MAP3K7CL: variants seen among roughly 807,000 people sequenced by gnomAD.
MAP3K7CL encodes the protein MAP3K7 C-terminal-like protein.
MAP3K7CL carries 16 observed loss-of-function variants against 18.6 expected under a neutral mutation model. That is an observed-to-expected ratio of 0.86 (90% CI 0.58 to 1.31). MAP3K7CL has a LOEUF of 1.31. MAP3K7CL is among the 50% of genes most tolerant of loss of function. The pLI is 0.00. For synonymous variants in MAP3K7CL, 65 were observed against 66.8 expected, an observed-to-expected ratio of 0.97 and a Z score of 0.13; for missense variants, 163 against 174.4, an observed-to-expected ratio of 0.93 and a Z score of 0.37.
exon 4 of MAP3K7CL, chr21:29,092,581 G>T: frequency 1.9e-6 from 3 of 1,613,740 alleles, no homozygotes; most frequent in Non-Finnish European, 2.5e-6. Flanking sequence ...CTCCCCTCTG[G>T]GTGAGTATTC....
At chr21:29,122,531 G>C (rs1040708307) in intron 4 of MAP3K7CL, among the ~76,000 whole-genome samples, 3 of 152,230 alleles carry the variant, frequency 2.0e-5, no homozygotes, top group Non-Finnish European at 4.4e-5. Context: ...AGCTGGAAAG[G>C]GGATGGAGCG....
intron 3 of MAP3K7CL, among the ~76,000 whole-genome samples, chr21:29,157,135 G>A (rs1251306512): frequency 6.6e-6 from 1 of 152,084 alleles, no homozygotes; most frequent in South Asian, 2.1e-4. Flanking sequence ...GGGTAAAAAC[G>A]CATATGGTAA....
chr21:29,093,179 C>G (rs866307361), intron 4 of MAP3K7CL, among the ~76,000 whole-genome samples: 3 of 152,256 alleles, frequency 2.0e-5, no homozygotes, highest in Non-Finnish European at 2.9e-5. Context: ...GCTGGGATTA[C>G]AGGCGTAAGC....
Position 29,174,772 on chromosome 21 carries a change from G to C in MAP3K7CL, c.309G>C (p.Leu103=). The stretch of plus-strand genomic sequence containing the variant: ...AGGAGAAGGTGGATGCTGCTGAGCT[G>C]GTTCGGGAATTCGAGGCTCTGACGG... ...AEKEKVDAAE[L]VREFEALTEE... Residue 103 remains leucine (L), a synonymous_variant, in exon 5 of 5, where the codon CTG becomes CTC. Transcript: ENST00000399928. 6.2e-7 allele frequency: 1 copy of C among 1,614,188 alleles called. No individual in the cohort carries two copies. Among genetic ancestry groups the C allele is most frequent in the Non-Finnish European group, 8.5e-7 (1 of 1,180,020 alleles).
chr21:29,112,078 C>A (rs1178170008), intron 4 of MAP3K7CL, among the ~76,000 whole-genome samples: 1 of 152,156 alleles, frequency 6.6e-6, no homozygotes, highest in Admixed American at 6.5e-5. Context: ...GGGAGGATCA[C>A]CTGACGTCAG....
intron 4 of MAP3K7CL, among the ~76,000 whole-genome samples, chr21:29,166,803 C>T (rs894297788): frequency 2.6e-5 from 4 of 152,146 alleles, no homozygotes; most frequent in Non-Finnish European, 5.9e-5. Flanking sequence ...CTTTCATAGG[C>T]TAATGGACAT....
chr21:29,121,277 C>G (rs1462882982), intron 4 of MAP3K7CL, among the ~76,000 whole-genome samples: 1 of 151,830 alleles, frequency 6.6e-6, no homozygotes, highest in Non-Finnish European at 1.5e-5. Context: ...ATGTAGGCAG[C>G]TGGTGGCCAA....
chr21:29,096,576 A>T (rs567788991), intron 4 of MAP3K7CL, among the ~76,000 whole-genome samples: 1 of 152,222 alleles, frequency 6.6e-6, no homozygotes, highest in Non-Finnish European at 1.5e-5. Flanking sequence ...ATGAAAGAGC[A>T]CAGTGACCAG....
At chr21:29,174,427 CA>C (rs906874084) in intron 4 of MAP3K7CL, among the ~76,000 whole-genome samples, 22 of 152,270 alleles carry the variant, frequency 1.4e-4, no homozygotes, top group Admixed American at 3.9e-4. Flanking sequence ...ATTATTTTTA[CA>C]ATTTTCTGTA....
At chr21:29,099,518 A>G (rs527440364) in intron 4 of MAP3K7CL, among the ~76,000 whole-genome samples, 50 of 152,146 alleles carry the variant, frequency 3.3e-4, no homozygotes, top group African/African-American at 6.8e-4. Context: ...CTCAATATAT[A>G]TAAGTACAGC....
intron 4 of MAP3K7CL, among the ~76,000 whole-genome samples, chr21:29,124,773 C>G (rs2086655738): frequency 1.3e-5 from 2 of 152,200 alleles, no homozygotes; most frequent in Admixed American, 1.3e-4. Context: ...AGTGTCTGTA[C>G]TTTTACTGGA....
chr21:29,157,867 A>G (rs775300194), intron 3 of MAP3K7CL, among the ~76,000 whole-genome samples: 19 of 152,372 alleles, frequency 1.2e-4, no homozygotes, highest in Non-Finnish European at 2.5e-4. Flanking sequence ...TTTAAATTAC[A>G]GCAGCAAAAG....
At position 29,145,882 on chromosome 21, in the gene MAP3K7CL, CAAG is replaced by C. The variant is rs1400113047; in HGVS notation, c.71-3306_71-3304del. 2.7e-5 allele frequency among the ~76,000 whole-genome samples: 4 copies of C among 145,956 alleles called. No individual in the cohort carries two copies. The East Asian group carries it at 6.3e-4, about 23-fold the overall frequency. The stretch of plus-strand genomic sequence containing the variant: ...AATCAATTAGACTTTTATTTCAACT[CAAG>C]GAGTCCAATTTGAAGCTACTTTATT... On this transcript the variant is annotated intron_variant, in intron 2 of 4. Transcript: ENST00000399928.
chr21:29,095,330 C>G (rs1311508254), intron 4 of MAP3K7CL, among the ~76,000 whole-genome samples: 3 of 150,474 alleles, frequency 2.0e-5, no homozygotes, highest in Non-Finnish European at 4.4e-5. Flanking sequence ...CGTTTCCCAG[C>G]CTGTGGGCTA....
chr21:29,116,846 A>G (rs1417046758), intron 4 of MAP3K7CL, among the ~76,000 whole-genome samples: 1 of 152,202 alleles, frequency 6.6e-6, no homozygotes, highest in Non-Finnish European at 1.5e-5. Flanking sequence ...AAAGCTTTTT[A>G]AAGCAATATA....
At chr21:29,084,491 A>C (rs895706315), upstream of MAP3K7CL, among the ~76,000 whole-genome samples, 1 of 152,152 alleles carries the variant, frequency 6.6e-6, no homozygotes, top group Non-Finnish European at 1.5e-5. Flanking sequence ...CATCATTCTC[A>C]CTTGCCCTGT....
intron 4 of MAP3K7CL, among the ~76,000 whole-genome samples, chr21:29,100,581 ATAGT>A (rs1241069379): frequency 1.3e-5 from 2 of 152,020 alleles, no homozygotes; most frequent in Non-Finnish European, 1.5e-5. Flanking sequence ...GAAGATGATA[ATAGT>A]TAGATCACAG....
upstream of MAP3K7CL, among the ~76,000 whole-genome samples, chr21:29,081,076 C>T (rs1205809987): frequency 2.6e-5 from 4 of 152,096 alleles, no homozygotes; most frequent in East Asian, 1.9e-4. Context: ...ACAAACCTGA[C>T]GAAGAAAGTT....
upstream of MAP3K7CL, among the ~76,000 whole-genome samples, chr21:29,128,970 A>G (rs2086729756): frequency 6.6e-6 from 1 of 152,210 alleles, no homozygotes; most frequent in Admixed American, 6.5e-5. Flanking sequence ...GTACAGCTTT[A>G]TTGTTGTATA....
Sources: allele counts gnomAD v4.1 joint callset (sites outside exome capture counted in the v4.1 genomes callset), GRCh38; gene constraint gnomAD v4.1.1; transcripts MANE v1.5; gene names NCBI Gene and HGNC (gene_info 2026-07-23, HGNC 2026-07-21).